Variants in ZDHHC15 observed in about 807,000 individuals in gnomAD.
ZDHHC15 encodes the protein palmitoyltransferase ZDHHC15.
Under a neutral mutation model 31.7 loss-of-function variants are expected in ZDHHC15, and 19 were observed. That is an observed-to-expected ratio of 0.60 (90% CI 0.42 to 0.88). The LOEUF (loss-of-function observed/expected upper bound fraction) is 0.88, where lower values mean the gene tolerates loss of function less well. Among genes scored for constraint, ZDHHC15 ranks in the 40% least tolerant of loss-of-function variants. The pLI, the probability that ZDHHC15 is intolerant of heterozygous loss-of-function variation, is 0.00. For synonymous variants in ZDHHC15, 103 were observed against 90.0 expected (o/e 1.14, Z -0.82); for missense variants, 209 against 251.2 (o/e 0.83, Z 1.14).
intron 4 of ZDHHC15, among the ~76,000 whole-genome samples, chrX:75,441,724 C>A (rs1050701185): frequency 9.3e-6 from 1 of 107,935 alleles, no homozygotes; most frequent in Non-Finnish European, 1.9e-5. Context: ...CCTGGGTTCA[C>A]GCCATTCTCC....
chrX:75,373,621 A>C (rs2147742521), intron 11 of ZDHHC15, among the ~76,000 whole-genome samples: 1 of 111,753 alleles, frequency 8.9e-6, no homozygotes, highest in South Asian at 3.7e-4. Flanking sequence ...GATATTATTC[A>C]CAACATTATG....
chrX:75,424,046 A>T (rs73490404), intron 8 of ZDHHC15, among the ~76,000 whole-genome samples: 2,019 of 111,410 alleles, frequency 0.018, 56 homozygotes, highest in African/African-American at 0.062. Flanking sequence ...TAGCCTATAG[A>T]CTAACTGACA....
chrX:75,495,099 C>A (rs561957244), intron 2 of ZDHHC15, among the ~76,000 whole-genome samples: 3 of 111,624 alleles, frequency 2.7e-5, no homozygotes, highest in East Asian at 2.8e-4. Context: ...AAAAAAACAA[C>A]CCCATCAAAA....
intron 3 of ZDHHC15, among the ~76,000 whole-genome samples, chrX:75,457,975 A>G (rs746117504): frequency 5.4e-5 from 6 of 111,218 alleles, no homozygotes; most frequent in Non-Finnish European, 7.5e-5. Flanking sequence ...CCTGAAATCA[A>G]TCCCCTGTGG....
chrX:75,438,237 C>T (rs1320580114), intron 4 of ZDHHC15, among the ~76,000 whole-genome samples: 3 of 111,746 alleles, frequency 2.7e-5, no homozygotes, highest in Non-Finnish European at 3.8e-5. Context: ...GTCTTGATGG[C>T]CTGTCTCGTG....
At chrX:75,490,515 C>T (rs918441405) in intron 2 of ZDHHC15, among the ~76,000 whole-genome samples, 17 of 111,171 alleles carry the variant, frequency 1.5e-4, no homozygotes, top group African/African-American at 5.2e-4. Context: ...TAGTTTTTTC[C>T]AATTCTGTGA....
chrX:75,424,578 T>C (rs983299300), intron 8 of ZDHHC15, 74 bp downstream of exon 8: 39 of 1,044,086 alleles, frequency 3.7e-5, no homozygotes, highest in Non-Finnish European at 4.7e-5. Flanking sequence ...CTGGAAGTTT[T>C]AATTGGGAAC....
chrX:75,394,311 C>CAAAAA (rs1404984589), intron 10 of ZDHHC15, among the ~76,000 whole-genome samples: 1 of 108,737 alleles, frequency 9.2e-6, no homozygotes, highest in Non-Finnish European at 1.9e-5. Context: ...CAAAACAAAA[C>CAAAAA]AAAAACCCAT....
At chrX:75,407,301 C>A (rs1163550692) in intron 10 of ZDHHC15, among the ~76,000 whole-genome samples, 10 of 110,925 alleles carry the variant, frequency 9.0e-5, no homozygotes, top group African/African-American at 3.3e-4. Context: ...CAGCAGCCGT[C>A]CCATCTGGGA....
intron 2 of ZDHHC15, among the ~76,000 whole-genome samples, chrX:75,483,081 GTATATATA>G (rs4019298): frequency 4.1e-5 from 4 of 97,441 alleles, no homozygotes; most frequent in African/African-American, 1.1e-4. Flanking sequence ...ATGTGTATGT[GTATATATA>G]TATATATATA....
intron 10 of ZDHHC15, among the ~76,000 whole-genome samples, chrX:75,386,652 T>C (rs1311166069): frequency 9.0e-6 from 1 of 110,506 alleles, no homozygotes; most frequent in Non-Finnish European, 1.9e-5. Context: ...ATTTTTGTAG[T>C]TTTTCATAGA....
Position 75,384,339 on chromosome X carries a change from C to T in ZDHHC15, c.968-5141G>A, listed in dbSNP as rs1446301416. 9.3e-6 allele frequency: 8 copies of T among 863,092 alleles called. No homozygotes were observed. In the African/African-American group the frequency reaches 1.2e-4, roughly 13 times the overall value. The allele number at this position is 863,092 out of a possible 1,213,427, so 71.1% of individuals were successfully genotyped here. On this transcript the variant is annotated intron_variant, in intron 10 of 11. Transcript: ENST00000373367. ...CTGGAACCGCCATCTTCCAGTAATT[C>T]GCCAAAATGACGAACACAAAGGGAA...
At chrX:75,450,758 A>C in intron 4 of ZDHHC15, 44 bp downstream of exon 4, 1 of 1,210,120 alleles carries the variant, frequency 8.3e-7, no homozygotes, top group Non-Finnish European at 1.1e-6. Context: ...CCTTTCTGAG[A>C]TACTTGCTGA....
At chrX:75,510,559 T>TTTATTA (rs750097141) in intron 1 of ZDHHC15, among the ~76,000 whole-genome samples, 1 of 104,484 alleles carries the variant, frequency 9.6e-6, no homozygotes, top group African/African-American at 3.4e-5. Context: ...CTTTTGTCTT[T>TTTATTA]TTATTATTAT....
intron 1 of ZDHHC15, among the ~76,000 whole-genome samples, chrX:75,517,769 G>A (rs189040990): frequency 6.4e-5 from 7 of 109,799 alleles, no homozygotes; most frequent in African/African-American, 1.7e-4. Context: ...AGCTGGACTC[G>A]TATCTTATGC....
At chrX:75,381,847 C>G (rs761328570) in intron 10 of ZDHHC15, among the ~76,000 whole-genome samples, 1 of 111,317 alleles carries the variant, frequency 9.0e-6, no homozygotes, top group South Asian at 3.8e-4. Flanking sequence ...ATCTTCAAAA[C>G]TTTCACCAGA....
intron 4 of ZDHHC15, 88 bp from the exon 5 acceptor site, chrX:75,431,608 T>C: frequency 1.3e-6 from 1 of 792,411 alleles, no homozygotes; most frequent in Non-Finnish European, 1.8e-6. Flanking sequence ...TGACTTGTTA[T>C]GCACTGATTA....
intron 4 of ZDHHC15, among the ~76,000 whole-genome samples, chrX:75,431,996 C>A (rs1486011450): frequency 1.8e-5 from 2 of 111,709 alleles, no homozygotes; most frequent in Non-Finnish European, 3.8e-5. Context: ...CATTCTAGAA[C>A]AATTAGTTTA....
intron 9 of ZDHHC15, among the ~76,000 whole-genome samples, chrX:75,418,821 G>T (rs1011497889): frequency 1.8e-5 from 2 of 112,159 alleles, no homozygotes; most frequent in Non-Finnish European, 3.8e-5. Flanking sequence ...ATGGATTAAA[G>T]ATTTAAATGT....
Sources: gnomAD v4.1 joint callset for allele counts (sites outside exome capture counted in the v4.1 genomes callset) on GRCh38, gnomAD v4.1.1 for gene constraint, MANE v1.5 for transcripts, NCBI Gene and HGNC (gene_info 2026-07-23, HGNC 2026-07-21) for gene names.